PATJ: variants seen among roughly 807,000 people sequenced by gnomAD.
PATJ encodes the protein PATJ crumbs cell polarity complex component.
PATJ carries 190 observed loss-of-function variants against 224.9 expected under a neutral mutation model. The ratio of observed to expected loss-of-function variants is 0.84; its 90% CI spans 0.75 to 0.95. PATJ has a LOEUF of 0.95. Ranked by LOEUF, PATJ falls within the 40% of genes least tolerant of loss-of-function variation. The probability of loss-of-function intolerance (pLI) is 0.00; values close to 1 mark genes in which losing one functional copy is unlikely to be tolerated. For missense variants in PATJ, 2,121 were observed against 2,270.3 expected (o/e 0.93, Z 1.34); for synonymous variants, 769 against 820.3 (o/e 0.94, Z 1.07).
intron 37 of PATJ, among the ~76,000 whole-genome samples, chr1:62,120,592 G>T (rs972414466): frequency 1.3e-5 from 2 of 152,160 alleles, no homozygotes; most frequent in Admixed American, 6.6e-5. Flanking sequence ...ACAGGTAATG[G>T]AGATCTAGCA....
At chr1:61,924,771 T>A (rs1328212049) in intron 26 of PATJ, among the ~76,000 whole-genome samples, 1 of 152,192 alleles carries the variant, frequency 6.6e-6, no homozygotes, top group African/African-American at 2.4e-5. Flanking sequence ...GACTTTTCTT[T>A]CTCCAGTGCA....
intron 32 of PATJ, among the ~76,000 whole-genome samples, chr1:62,081,007 A>G (rs1053970931): frequency 2.6e-5 from 4 of 152,160 alleles, no homozygotes; most frequent in Admixed American, 2.0e-4. Context: ...GTGTCCACAA[A>G]TACAGGTTTA....
In PATJ at chr1:62,018,296, G is replaced by A. The variant is rs1646896270; in HGVS notation, c.3959+349G>A. On this transcript the variant is annotated intron_variant, in intron 29 of 43. Transcript: ENST00000642238. The surrounding 1 kb of genome is among the most constrained non-coding windows in gnomAD (Gnocchi z 4.2). The stretch of plus-strand genomic sequence containing the variant: ...TTGGTACATTTGCTGAATCATTAAT[G>A]TCTTCATTAAAGAACAAACAGGAAA... 6.6e-6 allele frequency among the ~76,000 whole-genome samples: 1 copy of A among 152,126 alleles called. No homozygotes were observed. The highest frequency in any genetic ancestry group is 2.4e-5 in the African/African-American group (1 of 41,434).
At chr1:61,799,750 T>G (rs1369519112) in intron 11 of PATJ, among the ~76,000 whole-genome samples, 1 of 152,158 alleles carries the variant, frequency 6.6e-6, no homozygotes, top group Non-Finnish European at 1.5e-5. Flanking sequence ...TTTATTATCT[T>G]CTTCTGCATA....
At chr1:61,913,817 A>G (rs1163248536) in intron 25 of PATJ, among the ~76,000 whole-genome samples, 1 of 152,236 alleles carries the variant, frequency 6.6e-6, no homozygotes, top group African/African-American at 2.4e-5. Flanking sequence ...TGGGGGTACA[A>G]TGATGAATAA....
rs575651741 is a variant in PATJ at position 61,748,006 on chromosome 1, A to C, written c.-36+5451A>C. 1.7e-3 allele frequency among the ~76,000 whole-genome samples: 256 copies of C among 152,156 alleles called. 2 individuals are homozygous for C. Among genetic ancestry groups the C allele is most frequent in the African/African-American group, 5.9e-3 (245 of 41,524 alleles). On this transcript the variant is annotated intron_variant, in intron 1 of 43. Coordinates refer to ENST00000642238, the MANE Select transcript of PATJ (RefSeq NM_001350145.3). ...AGTGATTCTCGTGCCTCAGTCTCCC[A>C]AGTAGCTGGGATTACAGGCGTGCGC...
At chr1:61,776,767 C>G (rs1484923501) in intron 7 of PATJ, among the ~76,000 whole-genome samples, 2 of 151,486 alleles carry the variant, frequency 1.3e-5, no homozygotes, top group East Asian at 3.9e-4. Flanking sequence ...GCTGTGTTGC[C>G]CAGGCTGGAG....
At chr1:62,006,464 A>G (rs1265436925) in intron 28 of PATJ, among the ~76,000 whole-genome samples, 1 of 152,240 alleles carries the variant, frequency 6.6e-6, no homozygotes. Flanking sequence ...AATTAACAGT[A>G]GTTGAAAACC....
rs111675919 is a variant in PATJ, at chr1:61,883,410, G to C, written c.2960-827G>C. Among the ~76,000 whole-genome samples, 605 of 152,176 alleles carry C rather than the reference G, an allele frequency of 4.0e-3. 3 individuals are homozygous for C. Among genetic ancestry groups the C allele is most frequent in the African/African-American group, 0.014 (573 of 41,528 alleles). On this transcript the variant is annotated intron_variant, in intron 21 of 43. Transcript: ENST00000642238. ...GTTTTCCTATCTATAAAATATGGTTGATAGTGTCTTTTCTTTCTAACTCAT... is the reference window on the plus strand; with the variant it reads ...GTTTTCCTATCTATAAAATATGGTTCATAGTGTCTTTTCTTTCTAACTCAT...
intron 20 of PATJ, among the ~76,000 whole-genome samples, chr1:61,871,737 A>AT (rs1475789147): frequency 8.0e-5 from 12 of 150,118 alleles, no homozygotes; most frequent in African/African-American, 2.7e-4. Context: ...TAATTTTTGC[A>AT]TTTTTTAGTA....
At chr1:61,809,678 C>A (rs554690037) in intron 14 of PATJ, among the ~76,000 whole-genome samples, 1 of 152,016 alleles carries the variant, frequency 6.6e-6, no homozygotes, top group Admixed American at 6.5e-5. Context: ...TGAGCCACAG[C>A]GCCAGGCTAA....
At chr1:62,062,333 G>A (rs1401320189) in intron 31 of PATJ, among the ~76,000 whole-genome samples, 1 of 144,624 alleles carries the variant, frequency 6.9e-6, no homozygotes, top group East Asian at 2.0e-4. Context: ...GCATTTCTCT[G>A]GTGATTATCG....
At chr1:61,813,364 T>TATATATATATATAC (rs1655305550) in intron 14 of PATJ, among the ~76,000 whole-genome samples, 5 of 50,896 alleles carry the variant, frequency 9.8e-5, no homozygotes, top group Admixed American at 5.3e-4. Flanking sequence ...TATATATATA[T>TATATATATATATAC]ATATATATAT....
At chr1:61,773,805 C>CA (rs887787290) in intron 6 of PATJ, among the ~76,000 whole-genome samples, 29 of 146,116 alleles carry the variant, frequency 2.0e-4, no homozygotes, top group African/African-American at 3.0e-4. Flanking sequence ...AAACAAAAAA[C>CA]AAAAAAAAAC....
At chr1:61,901,533 CCTTT>C (rs1336332785) in intron 24 of PATJ, 74 bp downstream of exon 24, 3 of 1,127,866 alleles carry the variant, frequency 2.7e-6, no homozygotes, top group Non-Finnish European at 3.8e-6. Flanking sequence ...AGCTAGAAGA[CCTTT>C]CTTTATGTGT....
At chr1:61,850,212 G>A (rs1346951417) in intron 17 of PATJ, among the ~76,000 whole-genome samples, 1 of 152,164 alleles carries the variant, frequency 6.6e-6, no homozygotes, top group East Asian at 1.9e-4. Flanking sequence ...TCTAGGTGAT[G>A]CTCTTGCACT....
At chr1:61,864,753 C>G (rs1665145102) in intron 20 of PATJ, 120 bp downstream of exon 20, 1 of 830,994 alleles carries the variant, frequency 1.2e-6, no homozygotes, top group Non-Finnish European at 1.8e-6. Flanking sequence ...TAAGTCGTCA[C>G]TGTTTACAAG....
intron 33 of PATJ, among the ~76,000 whole-genome samples, chr1:62,102,643 A>G (rs965808272): frequency 4.6e-5 from 7 of 152,058 alleles, no homozygotes; most frequent in African/African-American, 1.7e-4. Flanking sequence ...ACTTCAGCCC[A>G]GAAGTTCAAG....
At chr1:62,111,689 C>A (rs1279504421) in intron 34 of PATJ, among the ~76,000 whole-genome samples, 1 of 144,236 alleles carries the variant, frequency 6.9e-6, no homozygotes, top group Non-Finnish European at 1.5e-5. Flanking sequence ...GAGACAGAGT[C>A]TCACACTGTT....
Sources: allele counts gnomAD v4.1 joint callset (sites outside exome capture counted in the v4.1 genomes callset), GRCh38; gene constraint gnomAD v4.1.1; non-coding constraint Gnocchi (gnomAD v3.1); transcripts MANE v1.5; gene names NCBI Gene and HGNC (gene_info 2026-07-23, HGNC 2026-07-21).